Variants in HYAL4 observed in about 807,000 individuals in gnomAD.
The protein encoded by HYAL4 is hyaluronidase 4.
Under a neutral mutation model 35.2 loss-of-function variants are expected in HYAL4, and 37 were observed. That is an observed-to-expected ratio of 1.05 (90% CI 0.81 to 1.38). HYAL4 has a LOEUF of 1.38. Among genes scored for constraint, HYAL4 ranks in the 40% most tolerant of loss-of-function variants. The probability of loss-of-function intolerance (pLI) is 0.00; values close to 1 mark genes in which losing one functional copy is unlikely to be tolerated. For missense variants in HYAL4, 572 were observed against 572.4 expected (o/e 1.00, Z 0.01); for synonymous variants, 198 against 203.2 (o/e 0.97, Z 0.22).
At chr7:123,816,912 G>A in the HYAL4 span, among the ~76,000 whole-genome samples, 4 of 151,966 alleles carry the variant, frequency 2.6e-5, no homozygotes, top group East Asian at 3.9e-4. Flanking sequence ...TAAAATAAGC[G>A]ACTACATTTA....
At chr7:123,846,912 C>T (rs1806186357) in intron 1 of HYAL4, among the ~76,000 whole-genome samples, 1 of 152,212 alleles carries the variant, frequency 6.6e-6, no homozygotes. Context: ...TCTAGACCTT[C>T]AGGTTCCCCA....
the HYAL4 span, among the ~76,000 whole-genome samples, chr7:123,809,393 C>CTTTTTTTTTTTTTTTTTTTT: frequency 3.1e-5 from 4 of 129,576 alleles, no homozygotes; most frequent in African/African-American, 5.6e-5. Flanking sequence ...TTTTCTTCTT[C>CTTTTTTTTTTTTTTTTTTTT]TTTTTTTTTT....
At chr7:123,848,434 T>C (rs1806221565) in intron 2 of HYAL4, among the ~76,000 whole-genome samples, 1 of 152,238 alleles carries the variant, frequency 6.6e-6, no homozygotes, top group Non-Finnish European at 1.5e-5. Context: ...ATTCCCACTT[T>C]AATGACTACT....
chr7:123,765,316 A>G, the HYAL4 span, among the ~76,000 whole-genome samples: 1 of 152,176 alleles, frequency 6.6e-6, no homozygotes, highest in South Asian at 2.1e-4. Flanking sequence ...GGGTTAGGGA[A>G]GAGTTTTTGT....
In HYAL4 at chr7:123,869,060, G is replaced by T. The variant is rs144679308; in HGVS notation, c.787G>T (p.Gly263Cys). ...NSSAALYPSIGVWKSLGDSEN... is the reference protein window; with the variant it reads ...NSSAALYPSICVWKSLGDSEN... The stretch of plus-strand genomic sequence containing the variant: ...CAGTGCTGCTTTATATCCTTCTATC[G>T]GTGTCTGGAAATCCCTTGGAGACAG... The change falls in exon 3 of 5, where the codon GGT becomes TGT. Residue 263 changes from glycine to cysteine, a missense_variant. Transcript: ENST00000223026. The T allele has an allele frequency of 6.2e-7, 1 of 1,614,090 alleles. No homozygotes were observed. The highest frequency in any genetic ancestry group is 8.5e-7 in the Non-Finnish European group (1 of 1,180,012).
the HYAL4 span, among the ~76,000 whole-genome samples, chr7:123,765,490 A>G: frequency 6.6e-6 from 1 of 152,156 alleles, no homozygotes; most frequent in Non-Finnish European, 1.5e-5. Context: ...AAGGGAATTT[A>G]AGGTCTGTTA....
intron 2 of HYAL4, among the ~76,000 whole-genome samples, chr7:123,856,655 AT>A (rs1806444428): frequency 6.6e-6 from 1 of 151,686 alleles, no homozygotes; most frequent in Admixed American, 6.6e-5. Context: ...GTTAGGAGGC[AT>A]GGGGGTGAGG....
intron 2 of HYAL4, among the ~76,000 whole-genome samples, chr7:123,850,550 G>T (rs150932597): frequency 6.6e-6 from 1 of 152,078 alleles, no homozygotes; most frequent in African/African-American, 2.4e-5. Flanking sequence ...ACTTATAATA[G>T]AATTACAGAT....
At chr7:123,810,490 T>A in the HYAL4 span, among the ~76,000 whole-genome samples, 2 of 152,230 alleles carry the variant, frequency 1.3e-5, no homozygotes, top group Non-Finnish European at 2.9e-5. Flanking sequence ...TCTATAACTT[T>A]CTTCATTCAA....
At chr7:123,823,445 T>TC in the HYAL4 span, among the ~76,000 whole-genome samples, 1 of 152,116 alleles carries the variant, frequency 6.6e-6, no homozygotes, top group African/African-American at 2.4e-5. Context: ...TGCTTTGGTA[T>TC]CAGGGTAATG....
chr7:123,854,828 G>A (rs1041860295), intron 2 of HYAL4, among the ~76,000 whole-genome samples: 1 of 152,140 alleles, frequency 6.6e-6, no homozygotes, highest in Non-Finnish European at 1.5e-5. Flanking sequence ...GGGTGTTAAA[G>A]TATCCCACTA....
chr7:123,838,116 C>A (rs1199789537), intron 1 of HYAL4, among the ~76,000 whole-genome samples: 1 of 152,094 alleles, frequency 6.6e-6, no homozygotes, highest in Non-Finnish European at 1.5e-5. Context: ...AATGGTTGAA[C>A]TAGTTTACAG....
chr7:123,834,753 C>T (rs1002733345), intron 1 of HYAL4, among the ~76,000 whole-genome samples: 1 of 152,084 alleles, frequency 6.6e-6, no homozygotes, highest in Non-Finnish European at 1.5e-5. Flanking sequence ...AGGTATGTCC[C>T]TTATATGCTG....
Position 123,877,390 on chromosome 7 carries a change from C to A in HYAL4, c.*235C>A. The A allele has an allele frequency of 2.4e-6, 1 of 415,912 alleles. No homozygotes were observed. Among genetic ancestry groups the A allele is most frequent in the Admixed American group, 3.9e-5 (1 of 25,472 alleles). The allele number at this position is 415,912 out of a possible 1,614,324, so 25.8% of individuals were successfully genotyped here. On this transcript the variant is annotated 3_prime_UTR_variant, in exon 5 of 5. Coordinates refer to ENST00000223026, the MANE Select transcript of HYAL4 (RefSeq NM_012269.3). ...CCTCCTTATTGGAATATTTAAGTTG[C>A]ATTTAAACTAAAACTAGTATAATTT...
At chr7:123,857,362 A>G (rs1806464842) in intron 2 of HYAL4, among the ~76,000 whole-genome samples, 1 of 152,120 alleles carries the variant, frequency 6.6e-6, no homozygotes, top group South Asian at 2.1e-4. Context: ...ACCATGGGAA[A>G]AGCATAGCAG....
chr7:123,822,677 G>A, the HYAL4 span, among the ~76,000 whole-genome samples: 1 of 152,216 alleles, frequency 6.6e-6, no homozygotes, highest in African/African-American at 2.4e-5. Flanking sequence ...GGTCAGAGTT[G>A]GCTGGATGAG....
chr7:123,837,764 C>T (rs1451418037), intron 1 of HYAL4, among the ~76,000 whole-genome samples: 9 of 148,316 alleles, frequency 6.1e-5, no homozygotes, highest in Admixed American at 3.5e-4. Context: ...TGAGAACGCA[C>T]GGTGTTTGGT....
chr7:123,798,389 AAGAG>A, the HYAL4 span, among the ~76,000 whole-genome samples: 43 of 151,390 alleles, frequency 2.8e-4, no homozygotes, highest in Admixed American at 1.9e-3. Context: ...GCTTCATTTA[AAGAG>A]AGAGAGAGAG....
chr7:123,803,404 T>G, the HYAL4 span, among the ~76,000 whole-genome samples: 7 of 152,226 alleles, frequency 4.6e-5, no homozygotes, highest in Non-Finnish European at 1.0e-4. Context: ...TTTTAATACT[T>G]GTATACTGAT....
Sources: allele counts gnomAD v4.1 joint callset (sites outside exome capture counted in the v4.1 genomes callset), GRCh38; gene constraint gnomAD v4.1.1; transcripts MANE v1.5; gene names NCBI Gene and HGNC (gene_info 2026-07-23, HGNC 2026-07-21).